FILIP1L: variants seen among roughly 807,000 people sequenced by gnomAD.
FILIP1L encodes the protein filamin A-interacting protein 1-like.
A neutral mutation model predicts 96.6 loss-of-function variants in FILIP1L; 55 were observed. The observed-to-expected ratio is 0.57, with a 90% confidence interval of 0.46 to 0.71. The LOEUF (loss-of-function observed/expected upper bound fraction) is 0.71. FILIP1L is among the 30% of genes least tolerant of loss of function. The pLI, the probability that FILIP1L is intolerant of heterozygous loss-of-function variation, is 0.00. For missense variants in FILIP1L, 1,304 were observed against 1,321.2 expected, an observed-to-expected ratio of 0.99 and a Z score of 0.20; for synonymous variants, 467 against 473.9, an observed-to-expected ratio of 0.99 and a Z score of 0.19.
chr3:99,880,436 C>G (rs985861807), intron 4 of FILIP1L, among the ~76,000 whole-genome samples: 1 of 152,044 alleles, frequency 6.6e-6, no homozygotes, highest in Non-Finnish European at 1.5e-5. Flanking sequence ...TTACTTTTAT[C>G]TGTAGCCTGA....
intron 1 of FILIP1L, among the ~76,000 whole-genome samples, chr3:99,998,591 G>C (rs1383173779): frequency 2.0e-5 from 3 of 152,146 alleles, no homozygotes; most frequent in Admixed American, 1.3e-4. Context: ...TCAAAACTTA[G>C]TCTTTCCAGC....
intron 1 of FILIP1L, among the ~76,000 whole-genome samples, chr3:100,075,200 C>G (rs934661355): frequency 5.3e-5 from 8 of 152,152 alleles, no homozygotes; most frequent in African/African-American, 1.9e-4. Context: ...TGAAACACTT[C>G]CTGGTCAGCT....
At chr3:100,048,775 A>G (rs1255953456) in intron 1 of FILIP1L, among the ~76,000 whole-genome samples, 1 of 152,190 alleles carries the variant, frequency 6.6e-6, no homozygotes. Flanking sequence ...TTTCCTAACT[A>G]GCCCTAGGTT....
intron 4 of FILIP1L, among the ~76,000 whole-genome samples, chr3:99,920,712 C>T (rs1342265103): frequency 6.6e-6 from 1 of 152,180 alleles, no homozygotes; most frequent in African/African-American, 2.4e-5. Context: ...ACGACAGCGA[C>T]ATCACTTGGC....
At chr3:99,947,621 T>A (rs1342443975) in intron 1 of FILIP1L, among the ~76,000 whole-genome samples, 1 of 152,354 alleles carries the variant, frequency 6.6e-6, no homozygotes, top group East Asian at 1.9e-4. Context: ...AAAGTCATGA[T>A]GACAGTGGCT....
chr3:100,105,022 A>G (rs983969392), intron 1 of FILIP1L, among the ~76,000 whole-genome samples: 9 of 152,224 alleles, frequency 5.9e-5, no homozygotes, highest in African/African-American at 1.9e-4. Flanking sequence ...ATTTATGTAT[A>G]TAAGAATCTT....
At chr3:100,010,916 C>T (rs926862963) in intron 1 of FILIP1L, among the ~76,000 whole-genome samples, 5 of 151,570 alleles carry the variant, frequency 3.3e-5, no homozygotes, top group South Asian at 2.1e-4. Context: ...TGTGAGCCAC[C>T]GCGCCCAGCT....
At chr3:99,988,029 C>T (rs1709397668) in intron 1 of FILIP1L, among the ~76,000 whole-genome samples, 2 of 152,104 alleles carry the variant, frequency 1.3e-5, no homozygotes, top group African/African-American at 4.8e-5. Context: ...GAAGCTGGTA[C>T]ACCAAAATGT....
chr3:99,929,058 CT>C (rs1364396847), intron 3 of FILIP1L, among the ~76,000 whole-genome samples: 1 of 152,200 alleles, frequency 6.6e-6, no homozygotes, highest in Non-Finnish European at 1.5e-5. Flanking sequence ...CTGAAACTTG[CT>C]TTCACTCTCC....
chr3:99,927,438 C>A (rs1165661632), intron 3 of FILIP1L, among the ~76,000 whole-genome samples: 1 of 150,904 alleles, frequency 6.6e-6, no homozygotes, highest in African/African-American at 2.4e-5. Context: ...GGCGTGATCT[C>A]AGCTCATCGC....
At chr3:100,012,159 G>A (rs1373585505) in intron 1 of FILIP1L, among the ~76,000 whole-genome samples, 2 of 152,154 alleles carry the variant, frequency 1.3e-5, no homozygotes, top group Non-Finnish European at 1.5e-5. Context: ...CTAAACTTGA[G>A]TGGGATTTAT....
At chr3:99,879,954 C>A (rs922743679) in intron 4 of FILIP1L, among the ~76,000 whole-genome samples, 1 of 152,090 alleles carries the variant, frequency 6.6e-6, no homozygotes, top group African/African-American at 2.4e-5. Context: ...TATGAGCTTT[C>A]GGTGTTTATT....
intron 1 of FILIP1L, among the ~76,000 whole-genome samples, chr3:99,957,767 C>A (rs1184941137): frequency 7.9e-6 from 1 of 126,700 alleles, no homozygotes; most frequent in Admixed American, 9.0e-5. Flanking sequence ...ACACAGGTTC[C>A]ATTCAGTGAT....
intron 1 of FILIP1L, among the ~76,000 whole-genome samples, chr3:99,976,989 T>C (rs1452625216): frequency 2.0e-5 from 3 of 152,220 alleles, no homozygotes; most frequent in Non-Finnish European, 4.4e-5. Context: ...TCTATCCTCT[T>C]ATTCTAGCCT....
intron 1 of FILIP1L, among the ~76,000 whole-genome samples, chr3:99,947,262 A>G (rs762270897): frequency 3.3e-5 from 5 of 151,868 alleles, no homozygotes; most frequent in Non-Finnish European, 5.9e-5. Flanking sequence ...GACCTTTTGT[A>G]TAGTTTCCCA....
At chr3:100,099,831 A>G (rs546012445) in intron 1 of FILIP1L, among the ~76,000 whole-genome samples, 1 of 152,324 alleles carries the variant, frequency 6.6e-6, no homozygotes, top group Non-Finnish European at 1.5e-5. Flanking sequence ...ATGGTAAAGT[A>G]TCATAAGTAT....
At chr3:99,985,014 G>T (rs554132255) in intron 1 of FILIP1L, among the ~76,000 whole-genome samples, 1 of 152,118 alleles carries the variant, frequency 6.6e-6, no homozygotes, top group Non-Finnish European at 1.5e-5. Context: ...ATACTTAAAG[G>T]GGTTGCCGTG....
At chr3:99,990,447 A>T (rs993611002) in intron 1 of FILIP1L, among the ~76,000 whole-genome samples, 1 of 152,204 alleles carries the variant, frequency 6.6e-6, no homozygotes, top group African/African-American at 2.4e-5. Flanking sequence ...GTGAACACTA[A>T]ATGTTCAGCC....
chr3:99,972,254 A>G (rs1708844196), intron 1 of FILIP1L, among the ~76,000 whole-genome samples: 1 of 152,206 alleles, frequency 6.6e-6, no homozygotes, highest in South Asian at 2.1e-4. Flanking sequence ...TTAGGTTGAA[A>G]TAAACTTGAC....
Sources: gnomAD v4.1 joint callset for allele counts (sites outside exome capture counted in the v4.1 genomes callset) on GRCh38, gnomAD v4.1.1 for gene constraint, MANE v1.5 for transcripts, NCBI Gene and HGNC (gene_info 2026-07-23, HGNC 2026-07-21) for gene names.